CAMTA1: variants seen among roughly 807,000 people sequenced by gnomAD.
The protein encoded by CAMTA1 is calmodulin binding transcription activator 1.
A neutral mutation model predicts 170.9 loss-of-function variants in CAMTA1; 27 were observed. That is an observed-to-expected ratio of 0.16 (90% CI 0.12 to 0.22). The LOEUF (loss-of-function observed/expected upper bound fraction) is 0.22. CAMTA1 is among the 10% of genes least tolerant of loss of function. CAMTA1 has a pLI of 1.00. For synonymous variants in CAMTA1, 833 were observed against 891.5 expected (o/e 0.93, Z 1.17); for missense variants, 1,619 against 2,217.2 (o/e 0.73, Z 5.42).
At position 7,238,313 on chromosome 1, in the gene CAMTA1, G is replaced by C. The variant is rs571591471; in HGVS notation, c.303-11178G>C. ...CAAATGGGCTGAAGTCAGATAGTCT[G>C]GATTTGAATGTTGACTCTCACGCTT... On this transcript the variant is annotated intron_variant, in intron 4 of 22. Transcript: ENST00000303635. 3.3e-5 allele frequency among the ~76,000 whole-genome samples: 5 copies of C among 152,056 alleles called. 1 individual carries two copies. The South Asian group carries it at 1.0e-3, about 32-fold the overall frequency.
intron 3 of CAMTA1, among the ~76,000 whole-genome samples, chr1:6,919,448 C>A (rs1681521531): frequency 6.6e-6 from 1 of 152,148 alleles, no homozygotes; most frequent in Non-Finnish European, 1.5e-5. Context: ...GCTGACAAGC[C>A]AGGGCAAGTT....
intron 4 of CAMTA1, chr1:7,142,041 C>T (rs1450055089): frequency 2.0e-6 from 1 of 512,454 alleles, no homozygotes; most frequent in African/African-American, 1.9e-5. Context: ...CTAGCTTCCT[C>T]TGTGCTGGGA....
intron 3 of CAMTA1, among the ~76,000 whole-genome samples, chr1:6,839,833 G>A (rs77559790): frequency 0.017 from 2,591 of 152,338 alleles, 35 homozygotes; most frequent in South Asian, 0.032. Context: ...GATTGGAACA[G>A]TGTGGGGATC....
chr1:6,963,040 A>C (rs544549110), intron 3 of CAMTA1, among the ~76,000 whole-genome samples: 1 of 134,112 alleles, frequency 7.5e-6, no homozygotes, highest in Admixed American at 7.4e-5. Context: ...CCCATTCTCC[A>C]TTCCTTGTGG....
At chr1:7,105,497 T>C (rs1643485404) in intron 4 of CAMTA1, among the ~76,000 whole-genome samples, 1 of 152,252 alleles carries the variant, frequency 6.6e-6, no homozygotes, top group Non-Finnish European at 1.5e-5. Flanking sequence ...GAGGCGGATC[T>C]GCGGCCTTTT....
intron 6 of CAMTA1, among the ~76,000 whole-genome samples, chr1:7,590,412 T>C (rs1359166502): frequency 6.6e-6 from 1 of 152,220 alleles, no homozygotes; most frequent in East Asian, 1.9e-4. Flanking sequence ...GACCCTGTAC[T>C]CATCTACCCA....
intron 6 of CAMTA1, among the ~76,000 whole-genome samples, chr1:7,554,792 A>T (rs938396570): frequency 1.4e-4 from 21 of 152,016 alleles, no homozygotes; most frequent in African/African-American, 4.6e-4. Flanking sequence ...GGAACCCCTT[A>T]TCTTGGCTTG....
chr1:6,830,860 C>T (rs1263341719), intron 3 of CAMTA1, among the ~76,000 whole-genome samples: 1 of 151,938 alleles, frequency 6.6e-6, no homozygotes, highest in Non-Finnish European at 1.5e-5. Context: ...ACTCTGTCGC[C>T]CAGGCTGGAG....
At chr1:7,001,897 CT>C (rs35997562) in intron 3 of CAMTA1, among the ~76,000 whole-genome samples, 7,356 of 137,072 alleles carry the variant, frequency 0.054, 161 homozygotes, top group Middle Eastern at 0.14. Flanking sequence ...TCTTCTTCTT[CT>C]TTTTTTTTTT....
intron 5 of CAMTA1, among the ~76,000 whole-genome samples, chr1:7,344,656 T>G (rs2084087795): frequency 6.6e-6 from 1 of 152,140 alleles, no homozygotes; most frequent in South Asian, 2.1e-4. Flanking sequence ...TGTCTGACCC[T>G]GGCCCTCACC....
chr1:7,654,044 G>A (rs146892444), intron 7 of CAMTA1, among the ~76,000 whole-genome samples: 8 of 152,246 alleles, frequency 5.3e-5, no homozygotes, highest in Admixed American at 1.3e-4. Context: ...AGCCAGAGGC[G>A]GGGGCTTGAG....
chr1:7,149,127 C>G (rs2148671581), intron 4 of CAMTA1, among the ~76,000 whole-genome samples: 1 of 152,306 alleles, frequency 6.6e-6, no homozygotes, highest in East Asian at 1.9e-4. Context: ...GGGGTGGGTA[C>G]AAGTCCCTAC....
rs368458285 is a variant in CAMTA1 at position 7,392,870 on chromosome 1, GATCA to G, written c.439-74936_439-74933del. 3.8e-3 allele frequency among the ~76,000 whole-genome samples: 579 copies of G among 150,930 alleles called. 12 individuals are homozygous for G. Among genetic ancestry groups the G allele is most frequent in the Admixed American group, 0.032 (485 of 15,160 alleles). ...GCCTGGACGACAGAGACTCTGTCTCGATCAATCAATCAATCAATCAATCAATCTA... is the reference window on the plus strand; with the variant it reads ...GCCTGGACGACAGAGACTCTGTCTCGATCAATCAATCAATCAATCAATCTA... On this transcript the variant is annotated intron_variant, in intron 5 of 22. Coordinates refer to ENST00000303635, the MANE Select transcript of CAMTA1 (RefSeq NM_015215.4).
At chr1:6,953,221 G>A (rs1688815622) in intron 3 of CAMTA1, among the ~76,000 whole-genome samples, 1 of 152,086 alleles carries the variant, frequency 6.6e-6, no homozygotes, top group African/African-American at 2.4e-5. Context: ...GATTCCATTC[G>A]TGGAGCCGAG....
At chr1:7,536,296 A>G (rs946838772) in intron 6 of CAMTA1, among the ~76,000 whole-genome samples, 2 of 152,222 alleles carry the variant, frequency 1.3e-5, no homozygotes, top group Non-Finnish European at 2.9e-5. Flanking sequence ...CTGCACTTTC[A>G]TTAAAAAGTA....
chr1:7,249,131 G>T lies in CAMTA1; in HGVS notation c.303-360G>T, dbSNP rs1239650403. Among the ~76,000 whole-genome samples the T allele has an allele frequency of 1.3e-5, 2 of 152,124 alleles. No homozygotes were observed. The highest frequency in any genetic ancestry group is 2.4e-5 in the African/African-American group (1 of 41,390). ...ATCCTTCCACAAGAGATAAGATATTGCAGGCTGCCACGACACCCCTGGCTC... is the reference window on the plus strand; with the variant it reads ...ATCCTTCCACAAGAGATAAGATATTTCAGGCTGCCACGACACCCCTGGCTC... On this transcript the variant is annotated intron_variant, in intron 4 of 22. Transcript: ENST00000303635. This position sits in a 1 kb window ranked among gnomAD's most constrained non-coding sequence, Gnocchi z 4.4.
intron 3 of CAMTA1, among the ~76,000 whole-genome samples, chr1:6,923,100 T>C (rs1292375408): frequency 6.6e-6 from 1 of 152,218 alleles, no homozygotes; most frequent in African/African-American, 2.4e-5. Flanking sequence ...GAACAGAGAC[T>C]TCAGGAAGAC....
In CAMTA1 at chr1:7,044,251, C is replaced by G. The variant is rs1047108624; in HGVS notation, c.235-47053C>G. On this transcript the variant is annotated intron_variant, in intron 3 of 22. Transcript: ENST00000303635. This position sits in a 1 kb window ranked among gnomAD's most constrained non-coding sequence, Gnocchi z 5.0. ...GCCACAGCTGCTGGGCCTGTTCACA[C>G]ACGGTTGGGACTGGCCAAGGGTCTC... Among the ~76,000 whole-genome samples the G allele has an allele frequency of 2.6e-5, 4 of 152,218 alleles. No homozygotes were observed. Among genetic ancestry groups the G allele is most frequent in the Non-Finnish European group, 5.9e-5 (4 of 68,042 alleles).
In CAMTA1 at chr1:7,415,467, G is replaced by C. The variant is rs2091094214; in HGVS notation, c.439-52363G>C. On this transcript the variant is annotated intron_variant, in intron 5 of 22. Transcript: ENST00000303635. ...CCTGTATTGGGTGCATATATATTTA[G>C]GATAGTTAGCTCTTCTTGTTGAATT... Among the ~76,000 whole-genome samples the C allele has an allele frequency of 2.0e-5, 3 of 151,982 alleles. No homozygotes were observed. The South Asian group carries it at 6.2e-4, about 32-fold the overall frequency.
Sources: gnomAD v4.1 joint callset for allele counts (sites outside exome capture counted in the v4.1 genomes callset) on GRCh38, gnomAD v4.1.1 for gene constraint, Gnocchi (gnomAD v3.1) non-coding constraint, MANE v1.5 for transcripts, NCBI Gene and HGNC (gene_info 2026-07-23, HGNC 2026-07-21) for gene names.